ADAM12: variants seen among roughly 807,000 people sequenced by gnomAD.
ADAM12 encodes disintegrin and metalloproteinase domain-containing protein 12.
A neutral mutation model predicts 106.4 loss-of-function variants in ADAM12; 70 were observed. That is an observed-to-expected ratio of 0.66 (90% CI 0.54 to 0.80). ADAM12 has a LOEUF of 0.80. ADAM12 is among the 30% of genes least tolerant of loss of function. ADAM12 has a pLI of 0.00. For missense variants in ADAM12, 1,010 were observed against 1,171.9 expected, an observed-to-expected ratio of 0.86 and a Z score of 2.02; for synonymous variants, 420 against 433.5, an observed-to-expected ratio of 0.97 and a Z score of 0.39.
intron 3 of ADAM12, among the ~76,000 whole-genome samples, chr10:126,175,638 G>A (rs557773491): frequency 1.3e-3 from 197 of 152,274 alleles, no homozygotes; most frequent in Middle Eastern, 0.01. Context: ...TAACCTAGTC[G>A]TTTCATTCGA....
rs146006812 is a variant in ADAM12, at chr10:126,195,535, T to C, written c.261-40230A>G. On this transcript the variant is annotated intron_variant, in intron 3 of 22. Transcript: ENST00000448723. ...GGTTGCAGTGAGCCAAATCGCACCA[T>C]TGCACTCCAGCCTGGGCAATAAGAG... Among the ~76,000 whole-genome samples the C allele has an allele frequency of 4.8e-3, 732 of 152,088 alleles. 4 individuals are homozygous for C. Among genetic ancestry groups the C allele is most frequent in the Non-Finnish European group, 8.6e-3 (588 of 67,982 alleles).
At chr10:126,232,201 C>T (rs912571106) in intron 3 of ADAM12, among the ~76,000 whole-genome samples, 1 of 151,894 alleles carries the variant, frequency 6.6e-6, no homozygotes. Flanking sequence ...GTGGGCCCAA[C>T]GTAACCACAA....
chr10:126,117,113 G>A (rs936849921), intron 6 of ADAM12, among the ~76,000 whole-genome samples: 2 of 152,212 alleles, frequency 1.3e-5, no homozygotes, highest in African/African-American at 4.8e-5. Context: ...TCAGGAAATT[G>A]TTGATAATTT....
intron 21 of ADAM12, among the ~76,000 whole-genome samples, chr10:126,020,618 A>C (rs1330505476): frequency 6.6e-6 from 1 of 152,222 alleles, no homozygotes; most frequent in Non-Finnish European, 1.5e-5. Flanking sequence ...AATAATGCAT[A>C]GGAAGTTCCC....
chr10:126,223,121 C>T (rs189120914), intron 3 of ADAM12, among the ~76,000 whole-genome samples: 1 of 152,272 alleles, frequency 6.6e-6, no homozygotes, highest in Admixed American at 6.5e-5. Flanking sequence ...CAATTTATAG[C>T]CTGTAAGTTT....
chr10:126,124,895 C>CAAAAAA lies in ADAM12; in HGVS notation c.417-6677_417-6672dup, dbSNP rs376810493. ...TGACACAGTGAGTGAGACACCGTCT[C>CAAAAAA]AAAAAAAAAAAAAAAAGAAAAAGAA... is the stretch of plus-strand genomic sequence containing the variant. On this transcript the variant is annotated intron_variant, in intron 5 of 22. Transcript: ENST00000448723. 1.5e-4 allele frequency among the ~76,000 whole-genome samples: 13 copies of CAAAAAA among 85,952 alleles called. 1 individual carries two copies. Among genetic ancestry groups the CAAAAAA allele is most frequent in the East Asian group, 7.2e-4 (2 of 2,790 alleles). The allele number at this position is 85,952 out of a possible 152,430, so 56.4% of individuals were successfully genotyped here.
At chr10:126,270,836 G>T (rs1477676144) in intron 3 of ADAM12, among the ~76,000 whole-genome samples, 1 of 152,188 alleles carries the variant, frequency 6.6e-6, no homozygotes, top group Admixed American at 6.5e-5. Flanking sequence ...GCCTGGGAGC[G>T]ATCCTAGAGG....
chr10:126,303,805 G>T (rs111713946), intron 2 of ADAM12, among the ~76,000 whole-genome samples: 74 of 152,074 alleles, frequency 4.9e-4, no homozygotes, highest in Non-Finnish European at 8.7e-4. Context: ...TGTCCTAATT[G>T]TGAGAACACC....
chr10:126,138,556 T>A (rs534722483), intron 4 of ADAM12, among the ~76,000 whole-genome samples: 1 of 152,102 alleles, frequency 6.6e-6, no homozygotes, highest in African/African-American at 2.4e-5. Flanking sequence ...TGTATTTTTT[T>A]GTAGTGATGG....
intron 3 of ADAM12, among the ~76,000 whole-genome samples, chr10:126,208,828 G>A (rs761857066): frequency 1.3e-4 from 20 of 149,086 alleles, no homozygotes; most frequent in African/African-American, 4.2e-4. Flanking sequence ...CTTACACTGC[G>A]GGATAGAAAG....
intron 3 of ADAM12, among the ~76,000 whole-genome samples, chr10:126,163,061 A>C (rs539790672): frequency 1.3e-5 from 2 of 152,208 alleles, no homozygotes; most frequent in East Asian, 3.9e-4. Context: ...TACGAGGTAC[A>C]TGTTTCCACT....
intron 12 of ADAM12, among the ~76,000 whole-genome samples, chr10:126,069,606 A>C (rs1368837518): frequency 6.6e-6 from 1 of 152,218 alleles, no homozygotes; most frequent in Non-Finnish European, 1.5e-5. Context: ...CATTTTAGGC[A>C]CTCAAGCATT....
chr10:126,064,693 T>C lies in ADAM12; in HGVS notation c.1609+113A>G. 8.6e-7 allele frequency: 1 copy of C among 1,159,430 alleles called. No individual in the cohort carries two copies. Among genetic ancestry groups the C allele is most frequent in the Non-Finnish European group, 1.2e-6 (1 of 826,838 alleles). The allele number at this position is 1,159,430 out of a possible 1,614,324, so 71.8% of individuals were successfully genotyped here. A position where few individuals can be genotyped will look rare whatever the true frequency, so the allele number is the denominator to read the frequency against. On this transcript the variant is annotated intron_variant, in intron 14 of 22. Coordinates refer to ENST00000448723, the MANE Select transcript of ADAM12 (RefSeq NM_001288973.2). The surrounding 1 kb of genome is among the most constrained non-coding windows in gnomAD (Gnocchi z 4.4). ...CCGACTGAACACACCGGATGCTGTG[T>C]GGACAGCGCCCGCCAGGAGTGGGGG...
chr10:126,130,188 AT>A (rs60711105), intron 5 of ADAM12, among the ~76,000 whole-genome samples: 95,240 of 149,966 alleles, frequency 0.64, 30,247 homozygotes, highest in East Asian at 0.72. Flanking sequence ...CTCTAGTTGC[AT>A]TTTTTTTTTT....
At chr10:126,174,008 ATTTTTTTTTTTTT>A (rs200354475) in intron 3 of ADAM12, among the ~76,000 whole-genome samples, 45 of 90,460 alleles carry the variant, frequency 5.0e-4, no homozygotes, top group Admixed American at 5.8e-4. Flanking sequence ...TCTGTTGTTG[ATTTTTTTTTTTTT>A]TTTTTTTTTT....
chr10:126,169,806 A>G (rs1590550423), intron 3 of ADAM12, among the ~76,000 whole-genome samples: 1 of 152,238 alleles, frequency 6.6e-6, no homozygotes, highest in East Asian at 1.9e-4. Context: ...ATTTGGAACC[A>G]TTGAACCAAA....
chr10:126,176,841 C>A (rs556847793), intron 3 of ADAM12, among the ~76,000 whole-genome samples: 2 of 152,156 alleles, frequency 1.3e-5, no homozygotes, highest in Non-Finnish European at 2.9e-5. Flanking sequence ...GCAGGAGCTT[C>A]CCTCTAAGGG....
At chr10:126,359,216 G>A (rs2133900172) in intron 1 of ADAM12, among the ~76,000 whole-genome samples, 1 of 152,248 alleles carries the variant, frequency 6.6e-6, no homozygotes, top group Non-Finnish European at 1.5e-5. Context: ...AGATTTGGGT[G>A]GGGACACAGC....
intron 3 of ADAM12, among the ~76,000 whole-genome samples, chr10:126,230,773 T>C (rs1958294511): frequency 6.6e-6 from 1 of 152,252 alleles, no homozygotes; most frequent in Non-Finnish European, 1.5e-5. Flanking sequence ...TCACTATATT[T>C]ATGCTGCCAA....
Sources: gnomAD v4.1 joint callset for allele counts (sites outside exome capture counted in the v4.1 genomes callset) on GRCh38, gnomAD v4.1.1 for gene constraint, Gnocchi (gnomAD v3.1) non-coding constraint, MANE v1.5 for transcripts, NCBI Gene and HGNC (gene_info 2026-07-23, HGNC 2026-07-21) for gene names.